BRINP1: variants seen among roughly 807,000 people sequenced by gnomAD.
BRINP1 encodes BMP/retinoic acid inducible neural specific 1.
In BRINP1, 17 loss-of-function variants were observed where a neutral mutation model predicts 72.9. The ratio of observed to expected loss-of-function variants is 0.23; its 90% CI spans 0.16 to 0.35. The LOEUF is 0.35. Among genes scored for constraint, BRINP1 ranks in the 10% least tolerant of loss-of-function variants. The pLI is 1.00. For missense variants in BRINP1, 850 were observed against 1,001.6 expected (o/e 0.85, Z 2.04); for synonymous variants, 418 against 378.5 (o/e 1.10, Z -1.21).
rs11335944 is a variant in BRINP1 at position 119,338,246 on chromosome 9, C to CTT, written c.-50-24843_-50-24842dup. 4.3e-3 allele frequency among the ~76,000 whole-genome samples: 616 copies of CTT among 142,736 alleles called. 5 individuals carry two copies. Among genetic ancestry groups the CTT allele is most frequent in the Non-Finnish European group, 4.3e-3 (285 of 66,394 alleles). 93.6% of individuals were successfully genotyped at this position (142,736 alleles called of 152,430 possible). A position where few individuals can be genotyped will look rare whatever the true frequency, so the allele number is the denominator to read the frequency against. On this transcript the variant is annotated intron_variant, in intron 1 of 7. Transcript: ENST00000265922. The stretch of plus-strand genomic sequence containing the variant: ...GAGGTTTTTGTTTTTGTTTTTGTTT[C>CTT]TTTTTTTTTTTGCCTCTGCAATTAG...
intron 7 of BRINP1, among the ~76,000 whole-genome samples, chr9:119,206,648 A>G (rs1829858473): frequency 6.6e-6 from 1 of 152,148 alleles, no homozygotes; most frequent in Non-Finnish European, 1.5e-5. Context: ...CATGGTACTT[A>G]GTTATGGCAA....
chr9:119,336,144 T>C (rs1043546087), intron 1 of BRINP1, among the ~76,000 whole-genome samples: 6 of 152,194 alleles, frequency 3.9e-5, no homozygotes, highest in Non-Finnish European at 7.3e-5. Context: ...TGATGTTTCC[T>C]TCAAGTGCTC....
At chr9:119,262,762 C>G (rs1016148917) in intron 2 of BRINP1, among the ~76,000 whole-genome samples, 1 of 151,424 alleles carries the variant, frequency 6.6e-6, no homozygotes, top group Non-Finnish European at 1.5e-5. Context: ...CAACCTTAGA[C>G]AAGTAATGAT....
chr9:119,317,650 G>A (rs969628951), intron 1 of BRINP1, among the ~76,000 whole-genome samples: 4 of 152,120 alleles, frequency 2.6e-5, no homozygotes, highest in East Asian at 1.9e-4. Flanking sequence ...ACTATCAAAC[G>A]GCATCACATT....
intron 1 of BRINP1, among the ~76,000 whole-genome samples, chr9:119,323,243 T>C (rs1322884338): frequency 6.6e-6 from 1 of 152,144 alleles, no homozygotes; most frequent in Non-Finnish European, 1.5e-5. Context: ...ACATGGAGGA[T>C]TGGTGTCTAA....
At chr9:119,190,228 ATAAAT>A (rs1030199305) in intron 7 of BRINP1, among the ~76,000 whole-genome samples, 6 of 152,038 alleles carry the variant, frequency 3.9e-5, no homozygotes, top group African/African-American at 1.2e-4. Flanking sequence ...AAGATCCCAA[ATAAAT>A]TAAGGAGTTA....
intron 5 of BRINP1, among the ~76,000 whole-genome samples, 181 bp from the exon 6 acceptor site, chr9:119,214,336 C>T (rs1011247942): frequency 6.6e-6 from 1 of 152,144 alleles, no homozygotes; most frequent in Non-Finnish European, 1.5e-5. Flanking sequence ...CTTCCAGTTG[C>T]ATCACTTTTA....
At chr9:119,272,795 C>T (rs17526) in intron 2 of BRINP1, among the ~76,000 whole-genome samples, 101,307 of 152,162 alleles carry the variant, frequency 0.67, 34,370 homozygotes, top group East Asian at 0.91. Context: ...AAGTTTTTCC[C>T]GTACTAGCTC....
intron 6 of BRINP1, among the ~76,000 whole-genome samples, chr9:119,210,921 A>G (rs1829916824): frequency 6.6e-6 from 1 of 152,206 alleles, no homozygotes; most frequent in Non-Finnish European, 1.5e-5. Context: ...GGTTGATGGT[A>G]GCATAAGATT....
chr9:119,169,356 GA>G (rs1170480293), intron 7 of BRINP1, among the ~76,000 whole-genome samples: 1 of 152,180 alleles, frequency 6.6e-6, no homozygotes. Flanking sequence ...CCGAAACAAA[GA>G]AAGGGGTGAC....
chr9:119,320,692 C>T (rs1335617934), intron 1 of BRINP1, among the ~76,000 whole-genome samples: 1 of 152,074 alleles, frequency 6.6e-6, no homozygotes, highest in African/African-American at 2.4e-5. Context: ...CAGGGAAAAG[C>T]AATGTCAGTG....
intron 7 of BRINP1, among the ~76,000 whole-genome samples, chr9:119,175,378 G>A (rs906365312): frequency 2.0e-5 from 3 of 152,194 alleles, no homozygotes; most frequent in East Asian, 1.9e-4. Context: ...TCAGGGGTTG[G>A]GGGGCTAGGG....
At chr9:119,210,865 T>C (rs1829916198) in intron 6 of BRINP1, among the ~76,000 whole-genome samples, 1 of 152,130 alleles carries the variant, frequency 6.6e-6, no homozygotes, top group Admixed American at 6.6e-5. Context: ...CATAGTGGCA[T>C]AGGACTGCAT....
chr9:119,258,567 T>C (rs938622768), intron 2 of BRINP1, among the ~76,000 whole-genome samples: 1 of 152,178 alleles, frequency 6.6e-6, no homozygotes, highest in Admixed American at 6.5e-5. Flanking sequence ...AGAGGGACTT[T>C]AGGCACTCAC....
chr9:119,248,022 C>T (rs1423114212), intron 3 of BRINP1, among the ~76,000 whole-genome samples: 1 of 152,190 alleles, frequency 6.6e-6, no homozygotes, highest in Admixed American at 6.5e-5. Flanking sequence ...CTTTACTTAA[C>T]CAGCTCCTGG....
intron 7 of BRINP1, among the ~76,000 whole-genome samples, chr9:119,174,777 C>G (rs1240640172): frequency 6.6e-6 from 1 of 151,680 alleles, no homozygotes; most frequent in Non-Finnish European, 1.5e-5. Context: ...CCATGGAATA[C>G]TATGCATCCA....
intron 2 of BRINP1, among the ~76,000 whole-genome samples, chr9:119,292,371 A>G (rs1830829273): frequency 6.6e-6 from 1 of 152,240 alleles, no homozygotes; most frequent in Non-Finnish European, 1.5e-5. Flanking sequence ...TACTTTTATT[A>G]TAGCTTTAGA....
chr9:119,283,233 C>A (rs1830730618), intron 2 of BRINP1: 1 of 951,396 alleles, frequency 1.1e-6, no homozygotes, highest in East Asian at 1.2e-4. Flanking sequence ...GTCCCTGGAA[C>A]TGCAGCTTCA....
intron 1 of BRINP1, among the ~76,000 whole-genome samples, chr9:119,362,209 T>G (rs536884186): frequency 1.3e-5 from 2 of 152,078 alleles, no homozygotes; most frequent in African/African-American, 4.8e-5. Flanking sequence ...CCTGGAGAGA[T>G]AAAGATAGGT....
Sources: allele counts gnomAD v4.1 joint callset (sites outside exome capture counted in the v4.1 genomes callset), GRCh38; gene constraint gnomAD v4.1.1; transcripts MANE v1.5; gene names NCBI Gene and HGNC (gene_info 2026-07-23, HGNC 2026-07-21).